The following XG variants were observed in gnomAD, a reference collection of about 807,000 sequenced individuals.
The protein encoded by XG is Xg glycoprotein (Xg blood group), also known as glycoprotein Xg.
A neutral mutation model predicts 25.7 loss-of-function variants in XG; 24 were observed. That is an observed-to-expected ratio of 0.93 (90% CI 0.68 to 1.31). The LOEUF (loss-of-function observed/expected upper bound fraction) is 1.31, where lower values mean the gene tolerates loss of function less well. Among genes scored for constraint, XG ranks in the 40% most tolerant of loss-of-function variants. The pLI is 0.00. For synonymous variants in XG, 77 were observed against 69.2 expected, an observed-to-expected ratio of 1.11 and a Z score of -0.56; for missense variants, 181 against 187.6, an observed-to-expected ratio of 0.96 and a Z score of 0.21.
At chrX:2,814,082 T>A (rs2087082145) in intron 10 of XG, among the ~76,000 whole-genome samples, 1 of 112,044 alleles carries the variant, frequency 8.9e-6, no homozygotes, top group Admixed American at 9.5e-5. Flanking sequence ...AAAGCAGGTG[T>A]CATGTAGACA....
intron 1 of XG, among the ~76,000 whole-genome samples, chrX:2,765,152 C>G (rs311131): frequency 0.75 from 112,373 of 150,622 alleles, 43,011 homozygotes; most frequent in East Asian, 0.91. Flanking sequence ...TTGAGACCAG[C>G]CTGGCCAACA....
chrX:2,766,631 C>T (rs2050700090), intron 1 of XG, among the ~76,000 whole-genome samples: 1 of 142,326 alleles, frequency 7.0e-6, no homozygotes, highest in Non-Finnish European at 1.5e-5. Context: ...CTGGTGTGAA[C>T]TCGGCTCACT....
chrX:2,793,843 G>A (rs1381600220), intron 5 of XG, among the ~76,000 whole-genome samples: 1 of 111,790 alleles, frequency 8.9e-6, no homozygotes, highest in Non-Finnish European at 1.9e-5. Flanking sequence ...GAGGGCTGGG[G>A]TTAGGAGCAT....
intron 7 of XG, among the ~76,000 whole-genome samples, chrX:2,805,354 C>T (rs987529313): frequency 3.6e-5 from 4 of 112,471 alleles, no homozygotes; most frequent in African/African-American, 1.3e-4. Context: ...AAAGGGATTT[C>T]TTCTCCCACA....
intron 1 of XG, among the ~76,000 whole-genome samples, chrX:2,755,769 A>G (rs2050421241): frequency 6.6e-6 from 1 of 152,170 alleles, no homozygotes; most frequent in Admixed American, 6.6e-5. Context: ...CTGGGTAAAA[A>G]TTAGTTAAAT....
intron 1 of XG, among the ~76,000 whole-genome samples, chrX:2,754,430 C>A (rs891936717): frequency 1.2e-4 from 18 of 152,330 alleles, no homozygotes; most frequent in Middle Eastern, 3.4e-3. Flanking sequence ...GACGGCAGCA[C>A]TTCCTATGCA....
chrX:2,808,170 C>T lies in XG; in HGVS notation c.419-15C>T, dbSNP rs750008125. 6 of 1,210,632 alleles carry T rather than the reference C, an allele frequency of 5.0e-6. No homozygotes were observed. The highest frequency in any genetic ancestry group is 5.6e-6 in the Non-Finnish European group (5 of 895,056). Reference sequence around the variant, plus strand: ...GCTCTGCTGAATAAACACGAACATCCTTTTCCGCTTACAGGTGGAGATCAC... The same window carrying T: ...GCTCTGCTGAATAAACACGAACATCTTTTTCCGCTTACAGGTGGAGATCAC... On this transcript the variant is annotated splice_polypyrimidine_tract_variant and intron_variant, in intron 8 of 10. Coordinates refer to ENST00000644266, the MANE Select transcript of XG (RefSeq NM_001141919.2).
At chrX:2,759,031 T>C (rs1188016523) in intron 1 of XG, among the ~76,000 whole-genome samples, 8 of 30,488 alleles carry the variant, frequency 2.6e-4, no homozygotes, top group East Asian at 2.1e-3. Flanking sequence ...TATCTATCTA[T>C]GTATCTATCT....
At chrX:2,814,212 C>A (rs2087083732) in intron 10 of XG, 152 bp from the exon 11 acceptor site, 1 of 649,518 alleles carries the variant, frequency 1.5e-6, no homozygotes, top group Non-Finnish European at 2.3e-6. Flanking sequence ...ATTTCTGCTT[C>A]ATTTTTTTCT....
At chrX:2,811,105 GT>G (rs757914042) in intron 9 of XG, among the ~76,000 whole-genome samples, 1 of 86,743 alleles carries the variant, frequency 1.2e-5, no homozygotes, top group Non-Finnish European at 2.1e-5. Context: ...ACTTCCTAAG[GT>G]TTTTTTTTCT....
At position 2,808,240 on chromosome X, in the gene XG, G is replaced by A. The variant is rs1330357981; in HGVS notation, c.454+20G>A. The A allele has an allele frequency of 7.4e-6, 9 of 1,209,458 alleles. No individual in the cohort carries two copies. The highest frequency in any genetic ancestry group is 1.0e-5 in the Non-Finnish European group (9 of 893,735). On this transcript the variant is annotated intron_variant, in intron 9 of 10. Transcript: ENST00000644266. ...CAGAAGGTAACTGATTGACTCACCC[G>A]GTCCCAACCTTTAATAAGAGCACAC...
At chrX:2,768,515 C>T (rs2124442673) in intron 1 of XG, among the ~76,000 whole-genome samples, 1 of 152,274 alleles carries the variant, frequency 6.6e-6, no homozygotes, top group South Asian at 2.1e-4. Context: ...CGCCTGTAAT[C>T]CCAGCACTTT....
rs765964223 is a variant in XG at position 2,765,011 on chromosome X, A to C, written c.62-5539A>C. On this transcript the variant is annotated intron_variant, in intron 1 of 10. Coordinates refer to ENST00000644266, the MANE Select transcript of XG (RefSeq NM_001141919.2). Reference sequence around the variant, plus strand: ...AGCCGAGAGTGCGCCATTGCACTGCAGCCTGGGCAACATAGTGAGATTCTT... The same window carrying C: ...AGCCGAGAGTGCGCCATTGCACTGCCGCCTGGGCAACATAGTGAGATTCTT... Among the ~76,000 whole-genome samples, 34 of 128,516 alleles carry C rather than the reference A, an allele frequency of 2.6e-4. No homozygotes were observed. In the East Asian group the frequency reaches 6.3e-3, roughly 24 times the overall value. 84.3% of individuals were successfully genotyped at this position (128,516 alleles called of 152,430 possible).
rs1219282861 is a variant in XG, at chrX:2,765,041, C to CAAAA, written c.62-5488_62-5485dup. On this transcript the variant is annotated intron_variant, in intron 1 of 10. Coordinates refer to ENST00000644266, the MANE Select transcript of XG (RefSeq NM_001141919.2). ...GGGCAACATAGTGAGATTCTTTATC[C>CAAAA]AAAAAAAAAAAAAAAAAAAAAAAAG... Among the ~76,000 whole-genome samples the CAAAA allele has an allele frequency of 2.0e-3, 73 of 36,596 alleles. 3 individuals are homozygous for CAAAA. The highest frequency in any genetic ancestry group is 7.1e-3 in the African/African-American group (67 of 9,426). The allele number at this position is 36,596 out of a possible 152,430, so 24.0% of individuals were successfully genotyped here.
At chrX:2,771,131 G>A (rs1312938023) in intron 2 of XG, among the ~76,000 whole-genome samples, 5 of 152,104 alleles carry the variant, frequency 3.3e-5, no homozygotes, top group Non-Finnish European at 7.3e-5. Flanking sequence ...TGGGATTACA[G>A]ACGTGCCTCA....
chrX:2,766,393 C>T (rs1188457216), intron 1 of XG, among the ~76,000 whole-genome samples: 1 of 151,924 alleles, frequency 6.6e-6, no homozygotes, highest in Admixed American at 6.6e-5. Context: ...CCCTCCTCGG[C>T]CTCCCAAAGT....
In XG at chrX:2,799,354, G is replaced by C. The variant is rs146329762; in HGVS notation, c.373+1994G>C. Among the ~76,000 whole-genome samples the C allele has an allele frequency of 9.5e-3, 1,059 of 111,378 alleles. 16 individuals are homozygous for C. The highest frequency in any genetic ancestry group is 0.032 in the African/African-American group (983 of 30,669). On this transcript the variant is annotated intron_variant, in intron 7 of 10. Transcript: ENST00000644266. ...TAAAAGATTTATTTGCCAAAGTTAA[G>C]GTTAAGGGCGCGCCCCAGGAGACAG...
At chrX:2,801,721 T>C (rs1180531977) in intron 7 of XG, among the ~76,000 whole-genome samples, 3 of 111,054 alleles carry the variant, frequency 2.7e-5, no homozygotes, top group African/African-American at 9.9e-5. Context: ...TTTTTTATTT[T>C]TTTTTGAGAC....
At chrX:2,779,279 T>G (rs1174286953) in intron 3 of XG, among the ~76,000 whole-genome samples, 1 of 145,524 alleles carries the variant, frequency 6.9e-6, no homozygotes, top group African/African-American at 2.6e-5. Flanking sequence ...GAGGTTGCAG[T>G]GAGCCGAGAT....
Sources: gnomAD v4.1 joint callset for allele counts (sites outside exome capture counted in the v4.1 genomes callset) on GRCh38, gnomAD v4.1.1 for gene constraint, MANE v1.5 for transcripts, NCBI Gene and HGNC (gene_info 2026-07-23, HGNC 2026-07-21) for gene names.